The following PBX4 variants were observed in gnomAD, a reference collection of about 807,000 sequenced individuals.
PBX4 encodes the protein PBX homeobox 4.
In PBX4, 26 loss-of-function variants were observed where a neutral mutation model predicts 35.1. The observed-to-expected ratio is 0.74, with a 90% CI of 0.54 to 1.03. The LOEUF is 1.03. PBX4 is among the 50% of genes least tolerant of loss of function. PBX4 has a pLI of 0.00. For synonymous variants in PBX4, 199 were observed against 204.2 expected (o/e 0.97, Z 0.22); for missense variants, 448 against 504.3 (o/e 0.89, Z 1.07).
chr19:19,566,053 A>G (rs539352176), intron 5 of PBX4, among the ~76,000 whole-genome samples: 2 of 151,834 alleles, frequency 1.3e-5, no homozygotes, highest in South Asian at 4.2e-4. Flanking sequence ...CCAGCCTCAT[A>G]TATCATTCTG....
intron 2 of PBX4, among the ~76,000 whole-genome samples, chr19:19,573,247 G>A (rs1402076804): frequency 3.3e-5 from 5 of 151,510 alleles, no homozygotes; most frequent in Non-Finnish European, 7.4e-5. Context: ...GGAGGTTGCG[G>A]TGAGCCGAGA....
chr19:19,569,667 CAGT>C (rs1368889471), intron 4 of PBX4, 83 bp from the exon 5 acceptor site: 1 of 1,502,436 alleles, frequency 6.7e-7, no homozygotes, highest in Non-Finnish European at 8.9e-7. Context: ...TATGATTTTC[CAGT>C]AGTTCTGAAA....
chr19:19,572,297 A>G (rs1445014639), intron 2 of PBX4, among the ~76,000 whole-genome samples: 3 of 150,278 alleles, frequency 2.0e-5, no homozygotes, highest in African/African-American at 7.3e-5. Context: ...CTGGTCTCGA[A>G]CTCCTGACCT....
At chr19:19,573,036 T>G (rs1396474200) in intron 2 of PBX4, among the ~76,000 whole-genome samples, 1 of 151,798 alleles carries the variant, frequency 6.6e-6, no homozygotes, top group Non-Finnish European at 1.5e-5. Context: ...CCAGGCGCAG[T>G]GGCTCACGCC....
Position 19,563,361 on chromosome 19 carries a change from T to TGCCCCAGAGGTG in PBX4, c.1032+136_1032+147dup. On this transcript the variant is annotated intron_variant, in intron 7 of 7. Transcript: ENST00000251203. This position sits in a 1 kb window ranked among gnomAD's most constrained non-coding sequence, Gnocchi z 5.1. Reference sequence around the variant, plus strand: ...TACAGAGTGGGGCCCTGCAGAGCTGTGCCCCAGAGGTGGCCGCGCAGCATG... The same window carrying TGCCCCAGAGGTG: ...TACAGAGTGGGGCCCTGCAGAGCTGTGCCCCAGAGGTGGCCCCAGAGGTGGCCGCGCAGCATG... 1.7e-6 allele frequency: 1 copy of TGCCCCAGAGGTG among 604,364 alleles called. No homozygotes were observed. Among genetic ancestry groups the TGCCCCAGAGGTG allele is most frequent in the Non-Finnish European group, 2.9e-6 (1 of 341,426 alleles). The allele number at this position is 604,364 out of a possible 1,614,324, so 37.4% of individuals were successfully genotyped here. A position where few individuals can be genotyped will look rare whatever the true frequency, so the allele number is the denominator to read the frequency against.
At chr19:19,581,770 T>C (rs7252981) in intron 2 of PBX4, among the ~76,000 whole-genome samples, 104,877 of 152,114 alleles carry the variant, frequency 0.69, 36,317 homozygotes, top group African/African-American at 0.73. Flanking sequence ...GGAACCCAGG[T>C]CATGCGGTGC....
At chr19:19,616,552 G>C (rs2061690048) in intron 1 of PBX4, among the ~76,000 whole-genome samples, 1 of 151,112 alleles carries the variant, frequency 6.6e-6, no homozygotes, top group South Asian at 2.1e-4. Context: ...CTTGACCTCA[G>C]GTGATCTGCC....
At chr19:19,599,394 G>C (rs375344085) in intron 1 of PBX4, 29 bp from the exon 2 acceptor site, 1 of 1,580,464 alleles carries the variant, frequency 6.3e-7, no homozygotes, top group Admixed American at 1.7e-5. Context: ...AGGAGGGTGT[G>C]AGAAAAGAAT....
At chr19:19,566,155 G>T (rs1043554617) in intron 5 of PBX4, among the ~76,000 whole-genome samples, 1 of 152,156 alleles carries the variant, frequency 6.6e-6, no homozygotes, top group Admixed American at 6.5e-5. Context: ...CCATGGCCAA[G>T]GTGGAATCAG....
At chr19:19,596,013 G>C (rs1599369795) in intron 2 of PBX4, among the ~76,000 whole-genome samples, 2 of 151,902 alleles carry the variant, frequency 1.3e-5, no homozygotes, top group Middle Eastern at 3.2e-3. Flanking sequence ...TGGGAGTATT[G>C]CTTGAGCCCA....
At chr19:19,585,730 C>T (rs1230121026) in intron 2 of PBX4, among the ~76,000 whole-genome samples, 4 of 152,202 alleles carry the variant, frequency 2.6e-5, no homozygotes, top group African/African-American at 7.2e-5. Flanking sequence ...ATCTCCCCCA[C>T]CCTTAAGAAG....
intron 2 of PBX4, among the ~76,000 whole-genome samples, chr19:19,586,561 T>C (rs2061490414): frequency 6.6e-6 from 1 of 152,032 alleles, no homozygotes; most frequent in Non-Finnish European, 1.5e-5. Context: ...TATAGTGCTG[T>C]AATATATATT....
chr19:19,617,497 T>C (rs147267190), intron 1 of PBX4, among the ~76,000 whole-genome samples: 1 of 152,032 alleles, frequency 6.6e-6, no homozygotes, highest in Non-Finnish European at 1.5e-5. Flanking sequence ...TTGTCCAGGT[T>C]GGTCTCGAAC....
At chr19:19,572,698 C>G (rs1046503968) in intron 2 of PBX4, among the ~76,000 whole-genome samples, 3 of 150,674 alleles carry the variant, frequency 2.0e-5, no homozygotes, top group African/African-American at 7.3e-5. Flanking sequence ...AACGCCATCT[C>G]TACTAATTAG....
intron 1 of PBX4, among the ~76,000 whole-genome samples, chr19:19,610,394 CAA>C (rs899624963): frequency 3.4e-5 from 5 of 147,196 alleles, no homozygotes; most frequent in Non-Finnish European, 7.5e-5. Context: ...GCCTGGGTAA[CAA>C]GAGTGAAACT....
At chr19:19,600,644 C>T (rs1269751990) in intron 1 of PBX4, among the ~76,000 whole-genome samples, 6 of 151,780 alleles carry the variant, frequency 4.0e-5, no homozygotes, top group Admixed American at 3.3e-4. Flanking sequence ...CATGGTGAAA[C>T]CCCGTCTCTA....
intron 2 of PBX4, among the ~76,000 whole-genome samples, chr19:19,598,537 C>A (rs185203598): frequency 1.1e-3 from 167 of 152,146 alleles, no homozygotes; most frequent in African/African-American, 3.7e-3. Flanking sequence ...ACCTCGTGAT[C>A]CACCTGCCTC....
At chr19:19,616,790 T>C (rs1249305978) in intron 1 of PBX4, among the ~76,000 whole-genome samples, 1 of 151,920 alleles carries the variant, frequency 6.6e-6, no homozygotes, top group Non-Finnish European at 1.5e-5. Flanking sequence ...TTCCAGTGAT[T>C]CTCCTGCCTC....
intron 2 of PBX4, among the ~76,000 whole-genome samples, chr19:19,586,554 AGT>A (rs969402032): frequency 6.6e-6 from 1 of 152,114 alleles, no homozygotes; most frequent in Non-Finnish European, 1.5e-5. Flanking sequence ...TGTAATATAT[AGT>A]GCTGTAATAT....
Sources: gnomAD v4.1 joint callset for allele counts (sites outside exome capture counted in the v4.1 genomes callset) on GRCh38, gnomAD v4.1.1 for gene constraint, Gnocchi (gnomAD v3.1) non-coding constraint, MANE v1.5 for transcripts, NCBI Gene and HGNC (gene_info 2026-07-23, HGNC 2026-07-21) for gene names.